HERC4: variants seen among roughly 807,000 people sequenced by gnomAD.
HERC4 encodes the protein HECT and RLD domain containing E3 ubiquitin protein ligase 4, also known as probable E3 ubiquitin-protein ligase HERC4.
In HERC4, 28 loss-of-function variants were observed where a neutral mutation model predicts 124.3. The observed-to-expected ratio is 0.23, with a 90% CI of 0.17 to 0.31. The LOEUF (loss-of-function observed/expected upper bound fraction) is 0.31. Among genes scored for constraint, HERC4 ranks in the 10% least tolerant of loss-of-function variants. The pLI, the probability that HERC4 is intolerant of heterozygous loss-of-function variation, is 1.00. For synonymous variants in HERC4, 407 were observed against 421.5 expected (o/e 0.97, Z 0.42); for missense variants, 713 against 1,229.3 (o/e 0.58, Z 6.28).
At chr10:67,956,502 C>T (rs2034150902) in intron 17 of HERC4, 1 of 155,154 alleles carries the variant, frequency 6.4e-6, no homozygotes, top group African/African-American at 2.4e-5. Context: ...CATCTCTCAC[C>T]TCTAGTGACT....
intron 6 of HERC4, among the ~76,000 whole-genome samples, chr10:68,033,371 T>A (rs780791570): frequency 6.6e-6 from 1 of 152,246 alleles, no homozygotes; most frequent in East Asian, 1.9e-4. Flanking sequence ...ACTAGATTAA[T>A]AACTCACTTT....
At chr10:67,957,497 T>C (rs2034217177) in intron 16 of HERC4, among the ~76,000 whole-genome samples, 1 of 152,220 alleles carries the variant, frequency 6.6e-6, no homozygotes, top group African/African-American at 2.4e-5. Flanking sequence ...TGTTAGCCTT[T>C]AAAGTTACGA....
At chr10:68,018,900 C>CT (rs34948748) in intron 8 of HERC4, among the ~76,000 whole-genome samples, 2,664 of 93,060 alleles carry the variant, frequency 0.029, 112 homozygotes, top group African/African-American at 0.072. Context: ...CCCCACAAGG[C>CT]TTTTTTTTTT....
At chr10:67,996,248 G>A (rs572536070) in intron 9 of HERC4, 20 of 350,642 alleles carry the variant, frequency 5.7e-5, no homozygotes, top group African/African-American at 4.2e-4. Flanking sequence ...ATCCAGCCTG[G>A]GCAGCCTTCT....
At chr10:68,006,772 T>C (rs2037594246) in intron 9 of HERC4, among the ~76,000 whole-genome samples, 1 of 152,188 alleles carries the variant, frequency 6.6e-6, no homozygotes, top group African/African-American at 2.4e-5. Flanking sequence ...TAAATGTTAT[T>C]TTCCTTTAGC....
In HERC4 at chr10:68,057,390, C is replaced by T. The variant is rs567147280; in HGVS notation, c.227-12827G>A. Among the ~76,000 whole-genome samples the T allele has an allele frequency of 7.9e-5, 12 of 152,128 alleles. No individual in the cohort carries two copies. In the South Asian group the frequency reaches 2.5e-3, roughly 32 times the overall value. On this transcript the variant is annotated intron_variant, in intron 3 of 24. Coordinates refer to ENST00000373700, the MANE Select transcript of HERC4 (RefSeq NM_015601.4). ...CCTGTAATCCCAGCACTTTGGGAGG[C>T]CAAAGCGGGTGAATCACAAGGTCAG...
chr10:67,965,538 C>T (rs942946295), intron 16 of HERC4: 2 of 152,206 alleles, frequency 1.3e-5, no homozygotes, highest in African/African-American at 4.8e-5. Flanking sequence ...GACCCAAGTA[C>T]ACTAGGGAAG....
intron 15 of HERC4, among the ~76,000 whole-genome samples, chr10:67,975,510 C>G (rs990785629): frequency 1.5e-4 from 23 of 152,170 alleles, no homozygotes; most frequent in Admixed American, 4.6e-4. Context: ...CCACCATGCC[C>G]AGCTAATTTT....
chr10:67,946,967 T>C (rs1339629270), intron 19 of HERC4, among the ~76,000 whole-genome samples: 1 of 152,032 alleles, frequency 6.6e-6, no homozygotes, highest in South Asian at 2.1e-4. Flanking sequence ...TGCCCAGATA[T>C]ATGAAGCAAA....
In HERC4 at chr10:68,059,838, T is replaced by A. The variant is rs1159043944; in HGVS notation, c.226+13045A>T. Among the ~76,000 whole-genome samples the A allele has an allele frequency of 1.1e-4, 6 of 54,518 alleles. No homozygotes were observed. The African/African-American group carries it at 1.7e-3, about 15-fold the overall frequency. 35.8% of individuals were successfully genotyped at this position (54,518 alleles called of 152,430 possible). A position where few individuals can be genotyped will look rare whatever the true frequency, so the allele number is the denominator to read the frequency against. Reference sequence around the variant, plus strand: ...TATTATATATCATAATATTATATATTATAATATATTATATATCATAATATT... The same window carrying A: ...TATTATATATCATAATATTATATATAATAATATATTATATATCATAATATT... On this transcript the variant is annotated intron_variant, in intron 3 of 24. Coordinates refer to ENST00000373700, the MANE Select transcript of HERC4 (RefSeq NM_015601.4).
chr10:68,012,961 T>C (rs1160558575), intron 9 of HERC4, among the ~76,000 whole-genome samples: 2 of 152,230 alleles, frequency 1.3e-5, no homozygotes, highest in Non-Finnish European at 2.9e-5. Flanking sequence ...GATGTTACTA[T>C]TGCAATTGTT....
At chr10:68,025,866 A>G (rs540854192) in intron 7 of HERC4, among the ~76,000 whole-genome samples, 190 bp from the exon 8 acceptor site, 1 of 152,202 alleles carries the variant, frequency 6.6e-6, no homozygotes, top group Admixed American at 6.5e-5. Flanking sequence ...CCAGGTAATG[A>G]TGTTTTCACC....
intron 3 of HERC4, among the ~76,000 whole-genome samples, chr10:68,046,584 T>C (rs2040021658): frequency 6.6e-6 from 1 of 152,140 alleles, no homozygotes; most frequent in East Asian, 1.9e-4. Context: ...TTACAGCCTA[T>C]GGAAAAGGAG....
At chr10:67,969,375 C>A (rs531381728) in intron 15 of HERC4, among the ~76,000 whole-genome samples, 1 of 152,208 alleles carries the variant, frequency 6.6e-6, no homozygotes, top group East Asian at 1.9e-4. Flanking sequence ...TAGTATGAAA[C>A]CCCGCAGAGT....
chr10:68,010,168 C>T (rs2037854116), intron 9 of HERC4: 6 of 994,120 alleles, frequency 6.0e-6, no homozygotes, highest in South Asian at 4.0e-5. Context: ...AGCTTCCGCC[C>T]TCTCCCTGTA....
At chr10:68,014,918 C>A (rs2038171859) in intron 8 of HERC4, among the ~76,000 whole-genome samples, 1 of 152,204 alleles carries the variant, frequency 6.6e-6, no homozygotes, top group Non-Finnish European at 1.5e-5. Context: ...ACCCTTGTTT[C>A]TATCAGGTCT....
rs2034558958 is a variant in HERC4 at position 67,962,061 on chromosome 10, T to G, written c.1926+4622A>C. Reference sequence around the variant, plus strand: ...TGGGACTTTTTTTGAAAAAAGAACTTTATTATTTTAAAGCAGCTTTAGATT... The same window carrying G: ...TGGGACTTTTTTTGAAAAAAGAACTGTATTATTTTAAAGCAGCTTTAGATT... On this transcript the variant is annotated intron_variant, in intron 16 of 24. Coordinates refer to ENST00000373700, the MANE Select transcript of HERC4 (RefSeq NM_015601.4). 1.3e-5 allele frequency among the ~76,000 whole-genome samples: 2 copies of G among 152,248 alleles called. 1 individual carries two copies. The highest frequency in any genetic ancestry group is 4.2e-4 in the South Asian group (2 of 4,814).
At chr10:68,005,245 AC>A (rs1183188179) in intron 9 of HERC4, among the ~76,000 whole-genome samples, 1 of 152,106 alleles carries the variant, frequency 6.6e-6, no homozygotes, top group East Asian at 1.9e-4. Flanking sequence ...TATATTTACA[AC>A]TGTTATATCC....
At chr10:67,951,411 G>T (rs2033782268) in intron 19 of HERC4, among the ~76,000 whole-genome samples, 1 of 152,156 alleles carries the variant, frequency 6.6e-6, no homozygotes, top group Non-Finnish European at 1.5e-5. Flanking sequence ...GAAACTCATA[G>T]GTTATCCCTA....
Sources: allele counts gnomAD v4.1 joint callset (sites outside exome capture counted in the v4.1 genomes callset), GRCh38; gene constraint gnomAD v4.1.1; transcripts MANE v1.5; gene names NCBI Gene and HGNC (gene_info 2026-07-23, HGNC 2026-07-21).